The following TBC1D4 variants were observed in gnomAD, a reference collection of about 807,000 sequenced individuals.
The protein encoded by TBC1D4 is TBC (Tre-2, BUB2, CDC16) domain-containing protein.
In TBC1D4, 121 loss-of-function variants were observed where a neutral mutation model predicts 142.5. That is an observed-to-expected ratio of 0.85 (90% CI 0.73 to 0.99). TBC1D4 has a LOEUF of 0.99. Ranked by LOEUF, TBC1D4 falls within the 50% of genes least tolerant of loss-of-function variation. The pLI is 0.00. For synonymous variants in TBC1D4, 630 were observed against 628.2 expected, an observed-to-expected ratio of 1.00 and a Z score of -0.04; for missense variants, 1,475 against 1,606.6, an observed-to-expected ratio of 0.92 and a Z score of 1.40.
intron 12 of TBC1D4, among the ~76,000 whole-genome samples, chr13:75,315,256 C>A (rs1336791347): frequency 6.6e-6 from 1 of 151,184 alleles, no homozygotes; most frequent in East Asian, 1.9e-4. Context: ...TGCAGTGAGC[C>A]GAGATCGCAT....
rs376751992 is a variant in TBC1D4 at position 75,292,331 on chromosome 13, C to T, written c.3317-60G>A. Reference sequence around the variant, plus strand: ...TATGCATCCACTCTTGTAAAAAGCACGCTATTTGTGCTAAAGGTTTTTGTT... The same window carrying T: ...TATGCATCCACTCTTGTAAAAAGCATGCTATTTGTGCTAAAGGTTTTTGTT... On this transcript the variant is annotated intron_variant, in intron 18 of 20. Coordinates refer to ENST00000377636, the MANE Select transcript of TBC1D4 (RefSeq NM_014832.5). 210 of 1,421,772 alleles carry T rather than the reference C, an allele frequency of 1.5e-4. 3 individuals are homozygous for T. Among genetic ancestry groups the T allele is most frequent in the East Asian group, 1.0e-3 (44 of 42,294 alleles). 88.1% of individuals were successfully genotyped at this position (1,421,772 alleles called of 1,614,324 possible).
chr13:75,295,072 CA>C, intron 17 of TBC1D4, 59 bp from the exon 18 acceptor site: 1 of 1,464,816 alleles, frequency 6.8e-7, no homozygotes, highest in East Asian at 2.3e-5. Flanking sequence ...GTGCATCAAA[CA>C]CACTGATTTT....
At chr13:75,387,599 A>G (rs1391625752) in intron 1 of TBC1D4, among the ~76,000 whole-genome samples, 2 of 152,220 alleles carry the variant, frequency 1.3e-5, no homozygotes, top group Non-Finnish European at 2.9e-5. Context: ...ATCACCACCA[A>G]TCTCATCAAA....
At chr13:75,471,831 G>C (rs916679270) in intron 1 of TBC1D4, among the ~76,000 whole-genome samples, 2 of 152,076 alleles carry the variant, frequency 1.3e-5, no homozygotes, top group African/African-American at 4.8e-5. Flanking sequence ...GGATGGCCAG[G>C]CACTGTGGCT....
chr13:75,462,387 A>G (rs1888007553), intron 1 of TBC1D4, among the ~76,000 whole-genome samples: 1 of 152,156 alleles, frequency 6.6e-6, no homozygotes, highest in South Asian at 2.1e-4. Flanking sequence ...AAGCAAAGAG[A>G]AGAATGTTAT....
intron 1 of TBC1D4, among the ~76,000 whole-genome samples, chr13:75,472,633 C>T (rs1888464845): frequency 6.6e-6 from 1 of 152,236 alleles, no homozygotes. Context: ...ACTAGATACT[C>T]TCTCAGGAAA....
chr13:75,343,432 G>A (rs776163862), intron 5 of TBC1D4, among the ~76,000 whole-genome samples: 8 of 152,230 alleles, frequency 5.3e-5, no homozygotes, highest in Middle Eastern at 3.4e-3. Flanking sequence ...AGCAAAATTC[G>A]GTGCAAGTCT....
intron 12 of TBC1D4, among the ~76,000 whole-genome samples, chr13:75,318,313 A>C (rs1459677570): frequency 2.6e-5 from 4 of 152,230 alleles, no homozygotes; most frequent in African/African-American, 9.6e-5. Context: ...TCTGGCACCC[A>C]GTTGAAACTC....
rs748607315 is a variant in TBC1D4, at chr13:75,481,725, G to C, written c.43C>G (p.Pro15Ala). Reference protein sequence around the residue: ...SCIQDEPFPHPLEPEPGVSAQ... With the variant: ...SCIQDEPFPHALEPEPGVSAQ... The stretch of plus-strand genomic sequence containing the variant: ...GAGACGCCCGGCTCGGGCTCCAGGG[G>C]GTGCGGGAACGGCTCATCCTGAATG... Residue 15 changes from proline to alanine, a missense_variant, in exon 1 of 21, where the codon CCC (proline) becomes GCC (alanine). Coordinates refer to ENST00000377636, the MANE Select transcript of TBC1D4 (RefSeq NM_014832.5). 1 of 1,596,376 alleles carries C rather than the reference G, an allele frequency of 6.3e-7. No homozygotes were observed. Among genetic ancestry groups the C allele is most frequent in the South Asian group, 1.1e-5 (1 of 89,034 alleles).
At chr13:75,479,813 G>A (rs1888758604) in intron 1 of TBC1D4, among the ~76,000 whole-genome samples, 1 of 152,168 alleles carries the variant, frequency 6.6e-6, no homozygotes, top group South Asian at 2.1e-4. Context: ...TCGTGGTTAG[G>A]ATCTTGAAAT....
At chr13:75,409,216 A>T (rs373398258) in intron 1 of TBC1D4, among the ~76,000 whole-genome samples, 1 of 152,226 alleles carries the variant, frequency 6.6e-6, no homozygotes, top group African/African-American at 2.4e-5. Flanking sequence ...CTAGAAATGT[A>T]TATACCAGAA....
chr13:75,439,298 G>A (rs74096287), intron 1 of TBC1D4, among the ~76,000 whole-genome samples: 3,463 of 152,036 alleles, frequency 0.023, 133 homozygotes, highest in African/African-American at 0.079. Context: ...TTCATTTAAG[G>A]CCAAGTGTTG....
At chr13:75,327,929 G>T in intron 8 of TBC1D4, 103 bp from the exon 9 acceptor site, 1 of 1,180,960 alleles carries the variant, frequency 8.5e-7, no homozygotes, top group South Asian at 1.2e-5. Context: ...GCATTAAATT[G>T]ATCATTTTGT....
At chr13:75,414,108 C>T (rs1023799448) in intron 1 of TBC1D4, among the ~76,000 whole-genome samples, 4 of 152,270 alleles carry the variant, frequency 2.6e-5, no homozygotes, top group East Asian at 1.9e-4. Context: ...ATACTACATC[C>T]GCATTCCCAT....
chr13:75,480,571 T>A (rs191581850), intron 1 of TBC1D4, among the ~76,000 whole-genome samples: 1 of 152,184 alleles, frequency 6.6e-6, no homozygotes, highest in East Asian at 1.9e-4. Flanking sequence ...ATTTAAAAAA[T>A]GATATTAGAA....
intron 7 of TBC1D4, among the ~76,000 whole-genome samples, chr13:75,337,839 C>A (rs1390767933): frequency 6.6e-6 from 1 of 152,012 alleles, no homozygotes; most frequent in Non-Finnish European, 1.5e-5. Context: ...TTGGCAAAAT[C>A]CTAAAGGGTG....
intron 3 of TBC1D4, among the ~76,000 whole-genome samples, chr13:75,356,683 TG>T (rs1244323014): frequency 6.6e-6 from 1 of 152,210 alleles, no homozygotes; most frequent in Non-Finnish European, 1.5e-5. Context: ...TTAACTGGTA[TG>T]GAATTCCCTA....
intron 1 of TBC1D4, among the ~76,000 whole-genome samples, chr13:75,424,050 A>C (rs948407766): frequency 2.0e-5 from 3 of 152,196 alleles, no homozygotes; most frequent in African/African-American, 7.2e-5. Flanking sequence ...AGGTCAAGGC[A>C]CAAGGAGTGC....
At chr13:75,377,562 C>T (rs979297743) in intron 1 of TBC1D4, among the ~76,000 whole-genome samples, 1 of 151,958 alleles carries the variant, frequency 6.6e-6, no homozygotes, top group African/African-American at 2.4e-5. Context: ...AACTATACCT[C>T]AAACACAAAT....
Sources: allele counts gnomAD v4.1 joint callset (sites outside exome capture counted in the v4.1 genomes callset), GRCh38; gene constraint gnomAD v4.1.1; transcripts MANE v1.5; gene names NCBI Gene and HGNC (gene_info 2026-07-23, HGNC 2026-07-21).